The following GABBR2 variants were observed in gnomAD, a reference collection of about 807,000 sequenced individuals.
GABBR2 encodes gamma-aminobutyric acid type B receptor subunit 2.
GABBR2 carries 23 observed loss-of-function variants against 105.6 expected under a neutral mutation model. That is an observed-to-expected ratio of 0.22 (90% CI 0.16 to 0.31). GABBR2 has a LOEUF of 0.31. Among genes scored for constraint, GABBR2 ranks in the 10% least tolerant of loss-of-function variants. The probability of loss-of-function intolerance (pLI) is 1.00; values close to 1 mark genes in which losing one functional copy is unlikely to be tolerated. For missense variants in GABBR2, 734 were observed against 1,245.5 expected, an observed-to-expected ratio of 0.59 and a Z score of 6.18; for synonymous variants, 478 against 499.7, an observed-to-expected ratio of 0.96 and a Z score of 0.58.
chr9:98,480,824 G>C lies in GABBR2; in HGVS notation c.798+108C>G, dbSNP rs921512819. The C allele has an allele frequency of 8.1e-6, 6 of 736,870 alleles. No individual in the cohort carries two copies. The African/African-American group carries it at 8.6e-5, about 11-fold the overall frequency. The allele number at this position is 736,870 out of a possible 1,614,324, so 45.6% of individuals were successfully genotyped here. A position where few individuals can be genotyped will look rare whatever the true frequency, so the allele number is the denominator to read the frequency against. On this transcript the variant is annotated intron_variant, in intron 5 of 18. Coordinates refer to ENST00000259455, the MANE Select transcript of GABBR2 (RefSeq NM_005458.8). Reference sequence around the variant, plus strand: ...AACTCTTCTGCTTCCAGGAACCCAGGCTCCAGTCCTGTGATCCCACTCACA... The same window carrying C: ...AACTCTTCTGCTTCCAGGAACCCAGCCTCCAGTCCTGTGATCCCACTCACA...
At chr9:98,444,408 G>A (rs1044845285) in intron 7 of GABBR2, among the ~76,000 whole-genome samples, 3 of 152,140 alleles carry the variant, frequency 2.0e-5, no homozygotes, top group African/African-American at 7.2e-5. Context: ...CAAGCCAGAT[G>A]CAGCTCACTG....
At chr9:98,630,452 G>A (rs1027487064) in intron 1 of GABBR2, among the ~76,000 whole-genome samples, 14 of 152,118 alleles carry the variant, frequency 9.2e-5, no homozygotes, top group African/African-American at 3.4e-4. Context: ...TGGATACCTG[G>A]CATCAGGTGA....
At chr9:98,333,671 C>T (rs2117610) in intron 13 of GABBR2, among the ~76,000 whole-genome samples, 4,797 of 152,150 alleles carry the variant, frequency 0.032, 111 homozygotes, top group South Asian at 0.066. Context: ...CTGCAAAGAC[C>T]CCTTTAGCAA....
chr9:98,448,060 G>T (rs1158373688), intron 7 of GABBR2, among the ~76,000 whole-genome samples: 1 of 151,814 alleles, frequency 6.6e-6, no homozygotes, highest in Non-Finnish European at 1.5e-5. Context: ...GAACCTAAGG[G>T]TGCCAGCCTG....
At chr9:98,510,604 A>C (rs1827619106) in intron 3 of GABBR2, among the ~76,000 whole-genome samples, 1 of 152,198 alleles carries the variant, frequency 6.6e-6, no homozygotes, top group Admixed American at 6.5e-5. Context: ...AAACAAAAAA[A>C]GGCAGGGGTT....
chr9:98,298,823 A>T (rs1435020374), intron 17 of GABBR2, among the ~76,000 whole-genome samples: 1 of 152,218 alleles, frequency 6.6e-6, no homozygotes, highest in Non-Finnish European at 1.5e-5. Context: ...ATCATAACTA[A>T]CTGACCATTC....
Position 98,464,327 on chromosome 9 carries a change from C to T in GABBR2, c.999+8819G>A, listed in dbSNP as rs566358590. ...GAGGAGTACCTCAGCCCAGCTGCCC[C>T]GAATGGGAAGTGAGGAGCGCCTCTG... is the stretch of plus-strand genomic sequence containing the variant. On this transcript the variant is annotated intron_variant, in intron 6 of 18. Transcript: ENST00000259455. Among the ~76,000 whole-genome samples the T allele has an allele frequency of 5.0e-4, 76 of 150,960 alleles. No homozygotes were observed. In the South Asian group the frequency reaches 0.014, roughly 27 times the overall value.
chr9:98,543,450 G>A (rs1745379692), intron 2 of GABBR2, among the ~76,000 whole-genome samples: 1 of 151,998 alleles, frequency 6.6e-6, no homozygotes. Flanking sequence ...CTGCAGCCTG[G>A]AACTCCTGGG....
At chr9:98,595,857 G>C (rs1302744513) in intron 1 of GABBR2, among the ~76,000 whole-genome samples, 1 of 152,036 alleles carries the variant, frequency 6.6e-6, no homozygotes, top group Non-Finnish European at 1.5e-5. Flanking sequence ...AGCCAATCTG[G>C]GTCTCCTCCC....
chr9:98,318,891 T>TGTG (rs1830768211), intron 13 of GABBR2, among the ~76,000 whole-genome samples: 1 of 148,288 alleles, frequency 6.7e-6, no homozygotes, highest in Non-Finnish European at 1.5e-5. Context: ...AAATGTGAGT[T>TGTG]TGTGTGTGTG....
intron 3 of GABBR2, among the ~76,000 whole-genome samples, chr9:98,499,111 T>A (rs1827346183): frequency 1.3e-5 from 2 of 152,204 alleles, no homozygotes; most frequent in South Asian, 4.1e-4. Context: ...ATATGTGGAA[T>A]GGCTTTGTAA....
chr9:98,519,347 G>C (rs1302206310), intron 3 of GABBR2, among the ~76,000 whole-genome samples: 2 of 152,224 alleles, frequency 1.3e-5, no homozygotes, highest in African/African-American at 4.8e-5. Context: ...CTTTCTCTGT[G>C]CTCCAGTGAT....
chr9:98,683,545 C>T (rs1458125666), intron 1 of GABBR2, among the ~76,000 whole-genome samples: 1 of 152,144 alleles, frequency 6.6e-6, no homozygotes, highest in East Asian at 1.9e-4. Flanking sequence ...GAGATGACTA[C>T]GTGTTAAAAT....
At position 98,493,575 on chromosome 9, in the gene GABBR2, G is replaced by A. The variant is rs184735996; in HGVS notation, c.732+2838C>T. 2.2e-3 allele frequency among the ~76,000 whole-genome samples: 337 copies of A among 152,098 alleles called. 1 individual carries two copies. Among genetic ancestry groups the A allele is most frequent in the African/African-American group, 7.4e-3 (309 of 41,484 alleles). On this transcript the variant is annotated intron_variant, in intron 4 of 18. Transcript: ENST00000259455. ...CACCTTACTGATTTTTATATTTCTC[G>A]GCTTTAATTCTGCTCTCTACTACCT...
At chr9:98,621,177 G>A (rs1031838778) in intron 1 of GABBR2, among the ~76,000 whole-genome samples, 4 of 152,104 alleles carry the variant, frequency 2.6e-5, no homozygotes, top group African/African-American at 9.7e-5. Context: ...AGTGGGCCAC[G>A]TGGGGACAAT....
chr9:98,324,420 G>A (rs966135572), intron 13 of GABBR2, among the ~76,000 whole-genome samples: 2 of 151,784 alleles, frequency 1.3e-5, no homozygotes, highest in Non-Finnish European at 2.9e-5. Context: ...TCTGAGAAAT[G>A]CTGGGGTCAC....
At chr9:98,362,531 A>T (rs937629572) in intron 13 of GABBR2, 184 bp downstream of exon 13, 2 of 372,690 alleles carry the variant, frequency 5.4e-6, no homozygotes, top group African/African-American at 4.2e-5. Flanking sequence ...TATTAAAATC[A>T]ACTTCTTTCA....
chr9:98,557,434 G>A (rs1828606037), intron 2 of GABBR2, among the ~76,000 whole-genome samples: 1 of 152,234 alleles, frequency 6.6e-6, no homozygotes, highest in Non-Finnish European at 1.5e-5. Flanking sequence ...TGGGGTCTCA[G>A]AGGGAAAACC....
At chr9:98,648,116 T>TGTGTGTGTGTGTGTAGATAGATAG in intron 1 of GABBR2, among the ~76,000 whole-genome samples, 1 of 55,948 alleles carries the variant, frequency 1.8e-5, no homozygotes, top group East Asian at 4.7e-4. Flanking sequence ...TGTGTGTGTG[T>TGTGTGTGTGTGTGTAGATAGATAG]ATAGATAGAT....
Sources: gnomAD v4.1 joint callset for allele counts (sites outside exome capture counted in the v4.1 genomes callset) on GRCh38, gnomAD v4.1.1 for gene constraint, MANE v1.5 for transcripts, NCBI Gene and HGNC (gene_info 2026-07-23, HGNC 2026-07-21) for gene names.